The following CACNA2D3 variants were observed in gnomAD, a reference collection of about 807,000 sequenced individuals.
CACNA2D3 encodes the protein calcium voltage-gated channel auxiliary subunit alpha2delta 3, also known as voltage-dependent calcium channel subunit alpha-2/delta-3.
Under a neutral mutation model 160.6 loss-of-function variants are expected in CACNA2D3, and 60 were observed. That is an observed-to-expected ratio of 0.37 (90% CI 0.30 to 0.46). The LOEUF (loss-of-function observed/expected upper bound fraction) is 0.46, where lower values mean the gene tolerates loss of function less well. CACNA2D3 is among the 20% of genes least tolerant of loss of function. The pLI is 1.00. For missense variants in CACNA2D3, 1,205 were observed against 1,365.0 expected, an observed-to-expected ratio of 0.88 and a Z score of 1.85; for synonymous variants, 558 against 492.9, an observed-to-expected ratio of 1.13 and a Z score of -1.75.
intron 17 of CACNA2D3, among the ~76,000 whole-genome samples, chr3:54,866,615 T>C (rs1041228062): frequency 2.6e-5 from 4 of 152,230 alleles, no homozygotes; most frequent in African/African-American, 9.6e-5. Flanking sequence ...TGCATGGATG[T>C]GTACAGCTGA....
chr3:54,946,050 G>A (rs1276815445), intron 27 of CACNA2D3, among the ~76,000 whole-genome samples: 1 of 152,152 alleles, frequency 6.6e-6, no homozygotes, highest in Non-Finnish European at 1.5e-5. Flanking sequence ...CATTTCCTTG[G>A]TTCTAAGATG....
intron 3 of CACNA2D3, among the ~76,000 whole-genome samples, chr3:54,363,959 A>T (rs1698787117): frequency 6.6e-6 from 1 of 152,194 alleles, no homozygotes; most frequent in Non-Finnish European, 1.5e-5. Flanking sequence ...ACTGATGGAC[A>T]TCTCTAACCT....
intron 2 of CACNA2D3, among the ~76,000 whole-genome samples, chr3:54,176,373 C>T (rs887333211): frequency 1.3e-5 from 2 of 152,206 alleles, no homozygotes; most frequent in African/African-American, 2.4e-5. Flanking sequence ...ATTCTGCCTT[C>T]GATGTATTTC....
intron 2 of CACNA2D3, among the ~76,000 whole-genome samples, chr3:54,225,566 C>A (rs2107384093): frequency 6.6e-6 from 1 of 152,276 alleles, no homozygotes; most frequent in South Asian, 2.1e-4. Context: ...CATTCTTTAA[C>A]ATTGTATCTG....
intron 9 of CACNA2D3, among the ~76,000 whole-genome samples, chr3:54,617,859 T>C (rs2106798161): frequency 6.6e-6 from 1 of 151,862 alleles, no homozygotes; most frequent in East Asian, 1.9e-4. Context: ...CACCACTGGG[T>C]CCCCTGTCCC....
intron 30 of CACNA2D3, among the ~76,000 whole-genome samples, chr3:54,985,242 A>AG (rs1240625830): frequency 6.6e-6 from 1 of 152,164 alleles, no homozygotes; most frequent in East Asian, 1.9e-4. Context: ...TGTGCAGTGT[A>AG]GGGGTGGGAG....
intron 2 of CACNA2D3, among the ~76,000 whole-genome samples, chr3:54,293,530 C>G (rs901368735): frequency 6.6e-6 from 1 of 151,242 alleles, no homozygotes; most frequent in African/African-American, 2.4e-5. Flanking sequence ...AATGCCATTA[C>G]TTCATTCCTT....
chr3:54,421,464 A>G (rs1278636631), intron 4 of CACNA2D3, among the ~76,000 whole-genome samples: 1 of 152,010 alleles, frequency 6.6e-6, no homozygotes, highest in East Asian at 1.9e-4. Context: ...TTAATAGACT[A>G]AAGAGGGGAA....
At chr3:54,721,500 C>T (rs1483932201) in intron 11 of CACNA2D3, among the ~76,000 whole-genome samples, 2 of 152,110 alleles carry the variant, frequency 1.3e-5, no homozygotes, top group Non-Finnish European at 2.9e-5. Context: ...GTGGCTCACA[C>T]CTGTAATCCC....
intron 16 of CACNA2D3, among the ~76,000 whole-genome samples, chr3:54,843,207 C>G (rs1698860062): frequency 6.6e-6 from 1 of 152,148 alleles, no homozygotes; most frequent in South Asian, 2.1e-4. Flanking sequence ...GGTGATCCAC[C>G]TGCCTAGCCT....
chr3:54,372,898 G>T (rs990395129), intron 3 of CACNA2D3, among the ~76,000 whole-genome samples: 12 of 152,184 alleles, frequency 7.9e-5, no homozygotes, highest in African/African-American at 2.9e-4. Context: ...AATTCGAGAG[G>T]AATGTGTGAG....
intron 13 of CACNA2D3, among the ~76,000 whole-genome samples, chr3:54,802,063 TA>T (rs1288366483): frequency 6.6e-6 from 1 of 152,220 alleles, no homozygotes; most frequent in African/African-American, 2.4e-5. Flanking sequence ...ACCCTGTTTT[TA>T]TCTTATCTTA....
chr3:54,859,180 T>C (rs1002113692), intron 17 of CACNA2D3, among the ~76,000 whole-genome samples: 1 of 152,220 alleles, frequency 6.6e-6, no homozygotes, highest in African/African-American at 2.4e-5. Flanking sequence ...CAAATAATTA[T>C]AAGCAGCTGT....
intron 6 of CACNA2D3, among the ~76,000 whole-genome samples, chr3:54,568,521 C>T (rs1448059539): frequency 6.6e-6 from 1 of 152,186 alleles, no homozygotes; most frequent in Non-Finnish European, 1.5e-5. Flanking sequence ...CTAGCCTCAC[C>T]AGGGATATAA....
chr3:54,623,865 C>A (rs1355269839), intron 9 of CACNA2D3, among the ~76,000 whole-genome samples: 1 of 152,116 alleles, frequency 6.6e-6, no homozygotes, highest in Non-Finnish European at 1.5e-5. Context: ...TCAAGGCTAC[C>A]TAACTGGACA....
At chr3:54,772,947 C>T (rs1355939198) in intron 13 of CACNA2D3, among the ~76,000 whole-genome samples, 2 of 152,110 alleles carry the variant, frequency 1.3e-5, no homozygotes, top group African/African-American at 4.8e-5. Flanking sequence ...TTACACAGAC[C>T]ACAGTGACAC....
chr3:54,362,647 T>A (rs1359470166), intron 3 of CACNA2D3, among the ~76,000 whole-genome samples: 1 of 152,078 alleles, frequency 6.6e-6, no homozygotes, highest in African/African-American at 2.4e-5. Flanking sequence ...TAGTCTAGAG[T>A]CACAAATCCA....
At chr3:54,909,830 A>G (rs1335645995) in intron 27 of CACNA2D3, among the ~76,000 whole-genome samples, 2 of 152,100 alleles carry the variant, frequency 1.3e-5, no homozygotes, top group Non-Finnish European at 2.9e-5. Flanking sequence ...GGAGACTTCA[A>G]GGAGAAAGTG....
At chr3:54,350,941 C>T (rs1448586943) in intron 3 of CACNA2D3, among the ~76,000 whole-genome samples, 2 of 137,364 alleles carry the variant, frequency 1.5e-5, no homozygotes, top group African/African-American at 5.4e-5. Context: ...TGTTTCCATA[C>T]TGCTTGGATT....
Sources: allele counts gnomAD v4.1 joint callset (sites outside exome capture counted in the v4.1 genomes callset), GRCh38; gene constraint gnomAD v4.1.1; transcripts MANE v1.5; gene names NCBI Gene and HGNC (gene_info 2026-07-23, HGNC 2026-07-21).